The following DNAH9 variants were observed in gnomAD, a reference collection of about 807,000 sequenced individuals.
DNAH9 encodes the protein DNAH9 variant protein.
A neutral mutation model predicts 471.6 loss-of-function variants in DNAH9; 345 were observed. That is an observed-to-expected ratio of 0.73 (90% CI 0.67 to 0.80). DNAH9 has a LOEUF of 0.80. Ranked by LOEUF, DNAH9 falls within the 30% of genes least tolerant of loss-of-function variation. DNAH9 has a pLI of 0.00. For missense variants in DNAH9, 5,407 were observed against 5,609.2 expected (o/e 0.96, Z 1.15); for synonymous variants, 2,093 against 2,123.6 (o/e 0.99, Z 0.40).
At chr17:11,644,988 C>G (rs1337806149) in intron 11 of DNAH9, among the ~76,000 whole-genome samples, 1 of 152,124 alleles carries the variant, frequency 6.6e-6, no homozygotes, top group Non-Finnish European at 1.5e-5. Context: ...ACGGATGTCA[C>G]GGAAAATTGC....
At chr17:11,613,164 G>T (rs1461217451) in intron 4 of DNAH9, among the ~76,000 whole-genome samples, 1 of 152,198 alleles carries the variant, frequency 6.6e-6, no homozygotes, top group Non-Finnish European at 1.5e-5. Context: ...TTGGGACCAA[G>T]TGTCTCTTGA....
chr17:11,742,470 TA>T (rs1159848853), intron 30 of DNAH9, among the ~76,000 whole-genome samples, 157 bp downstream of exon 30: 1 of 152,228 alleles, frequency 6.6e-6, no homozygotes, highest in Non-Finnish European at 1.5e-5. Context: ...ACTTCCATAT[TA>T]ATGATTTATG....
At chr17:11,634,455 A>G (rs2073124042) in intron 8 of DNAH9, among the ~76,000 whole-genome samples, 1 of 152,166 alleles carries the variant, frequency 6.6e-6, no homozygotes, top group Admixed American at 6.5e-5. Flanking sequence ...ACATGAATCC[A>G]TGAGTACATC....
chr17:11,616,776 G>T (rs571803459), intron 4 of DNAH9, among the ~76,000 whole-genome samples: 1 of 152,294 alleles, frequency 6.6e-6, no homozygotes, highest in South Asian at 2.1e-4. Flanking sequence ...TCATAGGTGG[G>T]AATTGAACAA....
chr17:11,693,887 G>A lies in DNAH9; in HGVS notation c.4634G>A (p.Gly1545Asp). Reference sequence around the variant, plus strand: ...TTGCAGGATTCTAAAAGGTTTGAAGGCATCGACATTGACTTTAAAGAGCTA... The same window carrying A: ...TTGCAGGATTCTAAAAGGTTTGAAGACATCGACATTGACTTTAAAGAGCTA... ...QLPQDSKRFE[G>D]IDIDFKELAY... Residue 1545 changes from glycine (G) to aspartate (D), a missense_variant, in exon 21 of 69, where the codon GGC (glycine) becomes GAC (aspartate). Around this residue, in one of 3 missense-constraint regions of DNAH9, gnomAD observed 4,636 missense variants for 4,900.3 expected, o/e 0.95. Coordinates refer to ENST00000262442, the MANE Select transcript of DNAH9 (RefSeq NM_001372.4). 2 of 1,614,090 alleles carry A rather than the reference G, an allele frequency of 1.2e-6. No individual in the cohort carries two copies. The highest frequency in any genetic ancestry group is 1.7e-6 in the Non-Finnish European group (2 of 1,179,994).
chr17:11,839,002 C>G (rs1344987754), intron 49 of DNAH9, among the ~76,000 whole-genome samples: 2 of 152,162 alleles, frequency 1.3e-5, no homozygotes, highest in Non-Finnish European at 2.9e-5. Flanking sequence ...CACTTTAAGT[C>G]TCCATTTTGG....
At chr17:11,618,511 G>A (rs377313777) in intron 5 of DNAH9, among the ~76,000 whole-genome samples, 72 of 151,862 alleles carry the variant, frequency 4.7e-4, no homozygotes, top group African/African-American at 1.5e-3. Flanking sequence ...GCTTGAACCC[G>A]GGAGGCAGAA....
At chr17:11,749,961 T>A (rs1023634407) in intron 32 of DNAH9, among the ~76,000 whole-genome samples, 4 of 152,306 alleles carry the variant, frequency 2.6e-5, no homozygotes, top group African/African-American at 9.6e-5. Flanking sequence ...TCTCAAGCAC[T>A]TCTTTTTTCA....
chr17:11,823,111 G>A, intron 48 of DNAH9, 77 bp downstream of exon 48: 1 of 1,250,748 alleles, frequency 8.0e-7, no homozygotes, highest in Non-Finnish European at 1.1e-6. Context: ...GAACTGGAGG[G>A]ATCACAATCA....
intron 50 of DNAH9, among the ~76,000 whole-genome samples, chr17:11,860,930 T>C (rs1406745505): frequency 6.6e-6 from 1 of 152,210 alleles, no homozygotes; most frequent in Admixed American, 6.5e-5. Flanking sequence ...TGTTCCTTTG[T>C]GTATGCACAG....
chr17:11,837,570 A>G (rs1036290367), intron 49 of DNAH9, among the ~76,000 whole-genome samples: 1 of 152,200 alleles, frequency 6.6e-6, no homozygotes, highest in Admixed American at 6.5e-5. Flanking sequence ...GACTATGGCA[A>G]TAGCCCCTAA....
chr17:11,834,652 A>C lies in DNAH9; in HGVS notation c.9261A>C (p.Lys3087Asn), dbSNP rs1457634677. 1 of 1,614,096 alleles carries C rather than the reference A, an allele frequency of 6.2e-7. No individual in the cohort carries two copies. The highest frequency in any genetic ancestry group is 1.1e-5 in the South Asian group (1 of 91,046). ...CTCCAATGCAGGTGGATGATCTGAA[A>C]GCAAAGCTGGCTGCCCAGGAAGTAG... ...HSTSAQVDDL[K>N]AKLAAQEVEL... The change falls in exon 49 of 69, where the codon AAA becomes AAC. Residue 3087 changes from lysine (K) to asparagine (N), a missense_variant. By Grantham distance (94) the Lys-to-Asn change is moderately conservative (BLOSUM62 0). This residue lies in a region of DNAH9 where 4,636 missense variants were observed against 4,900.3 expected (regional missense o/e 0.95). Coordinates refer to ENST00000262442, the MANE Select transcript of DNAH9 (RefSeq NM_001372.4).
At chr17:11,912,771 C>T (rs142109983) in intron 61 of DNAH9, among the ~76,000 whole-genome samples, 3 of 152,068 alleles carry the variant, frequency 2.0e-5, no homozygotes, top group Non-Finnish European at 4.4e-5. Context: ...CTGTTGTTTT[C>T]TTTCTTTGCA....
chr17:11,739,080 G>A, intron 29 of DNAH9, 43 bp downstream of exon 29: 1 of 1,499,796 alleles, frequency 6.7e-7, no homozygotes, highest in Middle Eastern at 1.8e-4. Flanking sequence ...CAAAAGAGAA[G>A]TTTCTTTCAT....
Position 11,689,571 on chromosome 17 carries a change from A to T in DNAH9, c.3749A>T (p.Asp1250Val). The change falls in exon 20 of 69, where the codon GAT becomes GTT. Residue 1250 changes from aspartate (D) to valine (V), a missense_variant. By Grantham distance (152) the Asp-to-Val change is radical. This residue lies in a region of DNAH9 where 4,636 missense variants were observed against 4,900.3 expected (regional missense o/e 0.95). Coordinates refer to ENST00000262442, the MANE Select transcript of DNAH9 (RefSeq NM_001372.4). ...QFHKEAPFRF[D>V]SIHPHQMLDA... Reference sequence around the variant, plus strand: ...GAACACACTGTGTTTTGTAGGTTTGATAGCATCCACCCTCATCAAATGCTG... The same window carrying T: ...GAACACACTGTGTTTTGTAGGTTTGTTAGCATCCACCCTCATCAAATGCTG... The T allele has an allele frequency of 6.2e-7, 1 of 1,610,874 alleles. No homozygotes were observed. The highest frequency in any genetic ancestry group is 8.5e-7 in the Non-Finnish European group (1 of 1,178,480).
chr17:11,705,092 A>G lies in DNAH9; in HGVS notation c.5459A>G (p.His1820Arg), dbSNP rs776947021. 3.7e-6 allele frequency: 6 copies of G among 1,613,986 alleles called. No individual in the cohort carries two copies. In the African/African-American group the frequency reaches 8.0e-5, roughly 22 times the overall value. The change falls in exon 26 of 69, where the codon CAC (histidine) becomes CGC (arginine). Residue 1820 changes from histidine (H) to arginine (R), a missense_variant. By Grantham distance (29) the His-to-Arg change is conservative (BLOSUM62 0). Coordinates refer to ENST00000262442, the MANE Select transcript of DNAH9 (RefSeq NM_001372.4). Reference sequence around the variant, plus strand: ...CATCGTTGGGATGACGAGGTCAAACACTGCTTTGCCAACATCTGTGATGCC... The same window carrying G: ...CATCGTTGGGATGACGAGGTCAAACGCTGCTTTGCCAACATCTGTGATGCC... ...LRHRWDDEVK[H>R]CFANICDAQF... is the part of the protein sequence containing the mutation.
At chr17:11,903,062 C>CA in intron 60 of DNAH9, 150 bp downstream of exon 60, 2 of 863,096 alleles carry the variant, frequency 2.3e-6, no homozygotes, top group Non-Finnish European at 3.4e-6. Flanking sequence ...CTAAACAGGC[C>CA]AGGCGCGGTG....
chr17:11,704,474 T>G lies in DNAH9; in HGVS notation c.5391+32T>G, dbSNP rs564889635. ...CCCAAACATCCAGGGATGCCCACTTTTGTGTACAGCTACACTGAGAACAGC... is the reference window on the plus strand; with the variant it reads ...CCCAAACATCCAGGGATGCCCACTTGTGTGTACAGCTACACTGAGAACAGC... On this transcript the variant is annotated intron_variant, in intron 25 of 68. Transcript: ENST00000262442. 2.1e-5 allele frequency: 33 copies of G among 1,605,790 alleles called. No individual in the cohort carries two copies. The Middle Eastern group carries it at 1.5e-3, about 75-fold the overall frequency.
chr17:11,838,786 C>T (rs1465824305), intron 49 of DNAH9, among the ~76,000 whole-genome samples: 1 of 152,134 alleles, frequency 6.6e-6, no homozygotes, highest in Admixed American at 6.5e-5. Flanking sequence ...ATAGAGTGGT[C>T]CATAGTACAC....
Sources: gnomAD v4.1 joint callset for allele counts (sites outside exome capture counted in the v4.1 genomes callset) on GRCh38, gnomAD v4.1.1 for gene constraint, gnomAD v4.1.1 regional missense constraint, MANE v1.5 for transcripts, NCBI Gene and HGNC (gene_info 2026-07-23, HGNC 2026-07-21) for gene names.